Variants in BET1 observed in about 807,000 individuals in gnomAD.
BET1 encodes Bet1 golgi vesicular membrane trafficking protein.
BET1 carries 9 observed loss-of-function variants against 13.9 expected under a neutral mutation model. The ratio of observed to expected loss-of-function variants is 0.65; its 90% confidence interval spans 0.39 to 1.13. BET1 has a LOEUF of 1.13. Among genes scored for constraint, BET1 ranks in the 50% most tolerant of loss-of-function variants. The pLI is 0.01. For synonymous variants in BET1, 39 were observed against 47.3 expected, an observed-to-expected ratio of 0.82 and a Z score of 0.72; for missense variants, 127 against 133.6, an observed-to-expected ratio of 0.95 and a Z score of 0.24.
chr7:93,994,521 T>C, intron 3 of BET1, 136 bp from the exon 4 acceptor site: 1 of 950,440 alleles, frequency 1.1e-6, no homozygotes, highest in East Asian at 2.7e-5. Context: ...CAGGAGCCTG[T>C]TGATAACCTT....
At chr7:93,964,658 A>T (rs767903151) in exon 7 of BET1, 1 of 152,104 alleles carries the variant, frequency 6.6e-6, no homozygotes, top group Non-Finnish European at 1.5e-5. Context: ...TGGGTAAAGG[A>T]TGTGAACAGA....
intron 2 of BET1, among the ~76,000 whole-genome samples, chr7:93,998,723 AC>A (rs1795825692): frequency 6.6e-6 from 1 of 152,100 alleles, no homozygotes; most frequent in African/African-American, 2.4e-5. Flanking sequence ...AGAAAAGAAA[AC>A]CAGGGGATAG....
chr7:93,967,266 A>C (rs926473462), intron 6 of BET1, among the ~76,000 whole-genome samples: 1 of 151,828 alleles, frequency 6.6e-6, no homozygotes, highest in African/African-American at 2.4e-5. Flanking sequence ...ACTCAACCTT[A>C]CAGTAGGTAT....
At chr7:93,997,591 T>C (rs2116129116) in intron 2 of BET1, among the ~76,000 whole-genome samples, 1 of 152,326 alleles carries the variant, frequency 6.6e-6, no homozygotes, top group South Asian at 2.1e-4. Flanking sequence ...TTTCAAAATC[T>C]AAAGGTCTCC....
chr7:94,003,638 T>C (rs1795964405), intron 1 of BET1, among the ~76,000 whole-genome samples: 1 of 152,174 alleles, frequency 6.6e-6, no homozygotes, highest in African/African-American at 2.4e-5. Flanking sequence ...TTAACCACGT[T>C]CTACTGCCTT....
chr7:93,971,755 A>C (rs1795261643), intron 6 of BET1, among the ~76,000 whole-genome samples: 1 of 151,826 alleles, frequency 6.6e-6, no homozygotes, highest in Admixed American at 6.6e-5. Flanking sequence ...TTATAGGTTA[A>C]TGTAATACAT....
chr7:94,003,478 TA>T (rs1360607135), intron 1 of BET1, among the ~76,000 whole-genome samples: 1 of 152,044 alleles, frequency 6.6e-6, no homozygotes, highest in Non-Finnish European at 1.5e-5. Flanking sequence ...AATCGTGTCC[TA>T]AGAGAAAGCT....
intron 4 of BET1, among the ~76,000 whole-genome samples, chr7:93,981,914 C>G (rs2116068481): frequency 6.6e-6 from 1 of 152,230 alleles, no homozygotes; most frequent in African/African-American, 2.4e-5. Flanking sequence ...CAGGATCCTT[C>G]CAGCTGGGAA....
chr7:93,984,025 C>T (rs1397163516), intron 4 of BET1, among the ~76,000 whole-genome samples: 1 of 152,146 alleles, frequency 6.6e-6, no homozygotes. Flanking sequence ...AATTGATTAT[C>T]CCACAATTCA....
rs1158700063 is a variant in BET1, at chr7:94,003,263, T to C, written c.19+935A>G. On this transcript the variant is annotated intron_variant, in intron 1 of 3. Transcript: ENST00000222547. ...ACTTCATTAAAAAAACAAAAAACTTTCTCATACTACAATTTATTGATCAAT... is the reference window on the plus strand; with the variant it reads ...ACTTCATTAAAAAAACAAAAAACTTCCTCATACTACAATTTATTGATCAAT... 3.3e-5 allele frequency among the ~76,000 whole-genome samples: 5 copies of C among 152,100 alleles called. No individual in the cohort carries two copies. In the South Asian group the frequency reaches 1.0e-3, roughly 32 times the overall value.
At chr7:93,964,365 A>G (rs1795142114) in exon 7 of BET1, 1 of 152,026 alleles carries the variant, frequency 6.6e-6, no homozygotes, top group Non-Finnish European at 1.5e-5. Flanking sequence ...AACATACAGT[A>G]TTTGGTTTTC....
chr7:93,996,173 G>A (rs1480452004), intron 3 of BET1, 92 bp downstream of exon 3: 6 of 946,982 alleles, frequency 6.3e-6, no homozygotes, highest in Middle Eastern at 2.1e-4. Context: ...AAGGACTTAC[G>A]ATCTCTGTAT....
chr7:93,966,102 T>C (rs769297465), intron 6 of BET1, among the ~76,000 whole-genome samples: 5 of 151,932 alleles, frequency 3.3e-5, no homozygotes, highest in African/African-American at 7.2e-5. Context: ...GCTTAAGAAG[T>C]CACTTAAGCT....
At chr7:93,990,411 ATGACC>A (rs1795609650), downstream of BET1, among the ~76,000 whole-genome samples, 1 of 152,098 alleles carries the variant, frequency 6.6e-6, no homozygotes, top group African/African-American at 2.4e-5. Context: ...ATGTAAATTG[ATGACC>A]TGACAAGGTT....
intron 2 of BET1, 116 bp from the exon 3 acceptor site, chr7:93,996,437 C>T: frequency 1.5e-6 from 1 of 651,180 alleles, no homozygotes. Context: ...GTCTTCTAGA[C>T]ACATAAACTC....
intron 6 of BET1, among the ~76,000 whole-genome samples, chr7:93,967,963 C>G (rs1406461253): frequency 1.3e-5 from 2 of 151,746 alleles, no homozygotes; most frequent in East Asian, 3.9e-4. Flanking sequence ...TATATTAAAT[C>G]AATTGTTTGC....
At chr7:93,977,470 T>C (rs1050624198) in intron 4 of BET1, among the ~76,000 whole-genome samples, 2 of 152,268 alleles carry the variant, frequency 1.3e-5, no homozygotes, top group East Asian at 3.9e-4. Context: ...TGAAACTAAT[T>C]TGAGAAAAAA....
In BET1 at chr7:94,004,338, A is replaced by G. The variant is rs1055427876; in HGVS notation, c.-122T>C. On this transcript the variant is annotated 5_prime_UTR_variant, in exon 1 of 4. Coordinates refer to ENST00000222547, the MANE Select transcript of BET1 (RefSeq NM_005868.6). ...AGCGAAACACCAACTTCTTCCCCTA[A>G]AGCGCCACGACATCAGTGGAGTCTA... 2.2e-6 allele frequency: 3 copies of G among 1,350,894 alleles called. No individual in the cohort carries two copies. Among genetic ancestry groups the G allele is most frequent in the Admixed American group, 3.5e-5 (2 of 57,106 alleles). 83.7% of individuals were successfully genotyped at this position (1,350,894 alleles called of 1,614,324 possible).
chr7:93,978,761 TG>T (rs1286120393), intron 4 of BET1, among the ~76,000 whole-genome samples: 1 of 152,126 alleles, frequency 6.6e-6, no homozygotes, highest in Non-Finnish European at 1.5e-5. Flanking sequence ...TTAGAAAAAA[TG>T]GCTTTGACAA....
Sources: gnomAD v4.1 joint callset for allele counts (sites outside exome capture counted in the v4.1 genomes callset) on GRCh38, gnomAD v4.1.1 for gene constraint, MANE v1.5 for transcripts, NCBI Gene and HGNC (gene_info 2026-07-23, HGNC 2026-07-21) for gene names.